GRM8: variants seen among roughly 807,000 people sequenced by gnomAD.
GRM8 encodes metabotropic glutamate receptor 8.
Under a neutral mutation model 87.2 loss-of-function variants are expected in GRM8, and 47 were observed. The ratio of observed to expected loss-of-function variants is 0.54; its 90% CI spans 0.43 to 0.69. The LOEUF (loss-of-function observed/expected upper bound fraction) is 0.69, where lower values mean the gene tolerates loss of function less well. Ranked by LOEUF, GRM8 falls within the 30% of genes least tolerant of loss-of-function variation. GRM8 has a pLI of 0.00. For synonymous variants in GRM8, 396 were observed against 404.5 expected, an observed-to-expected ratio of 0.98 and a Z score of 0.25; for missense variants, 1,019 against 1,139.2, an observed-to-expected ratio of 0.89 and a Z score of 1.52.
intron 9 of GRM8, among the ~76,000 whole-genome samples, chr7:126,456,335 T>C (rs1803219676): frequency 6.6e-6 from 1 of 151,414 alleles, no homozygotes; most frequent in East Asian, 2.0e-4. Context: ...ACAGAAATCT[T>C]TAGACAGACC....
rs551440735 is a variant in GRM8 at position 126,891,947 on chromosome 7, C to A, written c.1156+10595G>T. Among the ~76,000 whole-genome samples the A allele has an allele frequency of 2.7e-5, 4 of 149,940 alleles. No homozygotes were observed. In the South Asian group the frequency reaches 8.4e-4, roughly 31 times the overall value. On this transcript the variant is annotated intron_variant, in intron 6 of 10. Transcript: ENST00000339582. ...TAAGGAAGCCTATTTGTGCCAGATG[C>A]CACCCAAGGCACTGAGATTCAGCTG...
At chr7:126,571,914 CTA>C (rs1794723828) in intron 8 of GRM8, among the ~76,000 whole-genome samples, 1 of 151,760 alleles carries the variant, frequency 6.6e-6, no homozygotes, top group South Asian at 2.1e-4. Context: ...TTAATTTTTT[CTA>C]TCTTTAGTAC....
At chr7:126,995,811 A>G (rs1813126795) in intron 3 of GRM8, among the ~76,000 whole-genome samples, 1 of 152,088 alleles carries the variant, frequency 6.6e-6, no homozygotes, top group East Asian at 1.9e-4. Flanking sequence ...CAATGGGATA[A>G]TATAAAAGAA....
chr7:127,212,896 T>C (rs185950745), intron 2 of GRM8, among the ~76,000 whole-genome samples: 2 of 152,352 alleles, frequency 1.3e-5, no homozygotes, highest in African/African-American at 4.8e-5. Flanking sequence ...TTTAGGCTTC[T>C]GGTCAAATTT....
intron 9 of GRM8, among the ~76,000 whole-genome samples, chr7:126,522,715 G>C (rs916170746): frequency 2.0e-5 from 3 of 152,098 alleles, no homozygotes; most frequent in Admixed American, 6.6e-5. Context: ...TGTCTAGGAG[G>C]CTGTTTGCAT....
At chr7:126,459,387 A>C (rs1268490635) in intron 9 of GRM8, among the ~76,000 whole-genome samples, 2 of 151,588 alleles carry the variant, frequency 1.3e-5, no homozygotes, top group African/African-American at 4.8e-5. Flanking sequence ...CCATGGAGTG[A>C]GAACAAGGAA....
chr7:126,940,211 G>T (rs529198516), intron 3 of GRM8, among the ~76,000 whole-genome samples: 1 of 152,080 alleles, frequency 6.6e-6, no homozygotes. Flanking sequence ...TTTCTATCAG[G>T]GCAGAAGCTA....
At chr7:126,955,186 G>T (rs1475594092) in intron 3 of GRM8, among the ~76,000 whole-genome samples, 2 of 152,148 alleles carry the variant, frequency 1.3e-5, no homozygotes, top group East Asian at 3.9e-4. Context: ...AAAAAGGAAT[G>T]ACAGTGACCT....
At chr7:126,524,139 C>T (rs1209622314) in intron 9 of GRM8, among the ~76,000 whole-genome samples, 4 of 151,974 alleles carry the variant, frequency 2.6e-5, no homozygotes, top group African/African-American at 9.7e-5. Flanking sequence ...ATATTAACCA[C>T]CAGGGTCTAA....
intron 8 of GRM8, among the ~76,000 whole-genome samples, chr7:126,578,259 A>G (rs994399988): frequency 6.6e-5 from 10 of 152,200 alleles, no homozygotes; most frequent in African/African-American, 2.4e-4. Context: ...TAATAAAAAT[A>G]GTAAGATGGA....
At chr7:127,067,965 A>G (rs1286929852) in intron 3 of GRM8, among the ~76,000 whole-genome samples, 2 of 152,298 alleles carry the variant, frequency 1.3e-5, no homozygotes, top group East Asian at 3.9e-4. Context: ...ATGGTTTATA[A>G]TTACACCTAT....
At chr7:126,747,110 AC>A (rs1258287743) in intron 7 of GRM8, among the ~76,000 whole-genome samples, 1 of 151,886 alleles carries the variant, frequency 6.6e-6, no homozygotes, top group African/African-American at 2.4e-5. Context: ...ACTATTTTCA[AC>A]ATAACATATA....
intron 9 of GRM8, among the ~76,000 whole-genome samples, chr7:126,505,298 C>G (rs1810280911): frequency 6.6e-6 from 1 of 152,024 alleles, no homozygotes. Flanking sequence ...AGAATGGCCC[C>G]AAGTTAATAC....
chr7:127,177,130 G>GTCACACTCTGTTT (rs1794156633), intron 2 of GRM8, among the ~76,000 whole-genome samples: 1 of 152,120 alleles, frequency 6.6e-6, no homozygotes, highest in East Asian at 1.9e-4. Context: ...CACACCCTCC[G>GTCACACTCTGTTT]CCAGGAAACA....
chr7:126,845,552 G>C (rs952055602), intron 6 of GRM8, among the ~76,000 whole-genome samples: 1 of 152,060 alleles, frequency 6.6e-6, no homozygotes, highest in Non-Finnish European at 1.5e-5. Flanking sequence ...ACCATAGCCT[G>C]ATAAGAAAAC....
chr7:126,947,642 C>A (rs1007495431), intron 3 of GRM8, among the ~76,000 whole-genome samples: 1 of 151,898 alleles, frequency 6.6e-6, no homozygotes, highest in Admixed American at 6.6e-5. Flanking sequence ...AGGTTCCTCC[C>A]AATATGAACA....
At chr7:126,810,609 C>G (rs988403621) in intron 6 of GRM8, among the ~76,000 whole-genome samples, 1 of 152,108 alleles carries the variant, frequency 6.6e-6, no homozygotes, top group Non-Finnish European at 1.5e-5. Flanking sequence ...AGTTGGTTAA[C>G]CTCTTATGAG....
At chr7:126,691,716 A>T (rs1306492785) in intron 7 of GRM8, among the ~76,000 whole-genome samples, 5 of 152,172 alleles carry the variant, frequency 3.3e-5, no homozygotes, top group Admixed American at 6.5e-5. Flanking sequence ...TGGGGCCCCC[A>T]CAAGGATGAA....
At chr7:126,940,048 A>T (rs928821784) in intron 3 of GRM8, among the ~76,000 whole-genome samples, 1 of 152,220 alleles carries the variant, frequency 6.6e-6, no homozygotes, top group Admixed American at 6.5e-5. Context: ...TCCAGGGTGG[A>T]CCAGGGGCCT....
Sources: gnomAD v4.1 joint callset for allele counts (sites outside exome capture counted in the v4.1 genomes callset) on GRCh38, gnomAD v4.1.1 for gene constraint, MANE v1.5 for transcripts, NCBI Gene and HGNC (gene_info 2026-07-23, HGNC 2026-07-21) for gene names.